Variants in KALRN observed in about 807,000 individuals in gnomAD.
KALRN encodes kalirin RhoGEF kinase.
A neutral mutation model predicts 353.7 loss-of-function variants in KALRN; 70 were observed. The observed-to-expected ratio is 0.20, with a 90% CI of 0.16 to 0.24. The LOEUF is 0.24. Ranked by LOEUF, KALRN falls within the 10% of genes least tolerant of loss-of-function variation. KALRN has a pLI of 1.00. For missense variants in KALRN, 2,791 were observed against 3,756.7 expected (o/e 0.74, Z 6.72); for synonymous variants, 1,391 against 1,434.8 (o/e 0.97, Z 0.69).
intron 34 of KALRN, among the ~76,000 whole-genome samples, chr3:124,608,537 T>C (rs928031421): frequency 6.6e-6 from 1 of 152,118 alleles, no homozygotes; most frequent in African/African-American, 2.4e-5. Context: ...GTCTCCCTTC[T>C]TCCCCTCCCT....
rs2083922548 is a variant in KALRN at position 124,655,592 on chromosome 3, C to T, written c.5796-9C>T. The T allele has an allele frequency of 1.2e-6, 2 of 1,611,554 alleles. No individual in the cohort carries two copies. The highest frequency in any genetic ancestry group is 1.7e-5 in the Admixed American group (1 of 59,998). On this transcript the variant is annotated splice_polypyrimidine_tract_variant and intron_variant, in intron 38 of 59. Coordinates refer to ENST00000682506, the MANE Select transcript of KALRN (RefSeq NM_001388419.1). ...GAGGAACACTCACTGTTCTTAATCT[C>T]CTGCTCAGGTTTGTCCTGAATGAGC... is the stretch of plus-strand genomic sequence containing the variant.
chr3:124,043,177 G>A (rs2040124558), intron 1 of KALRN, among the ~76,000 whole-genome samples: 1 of 152,162 alleles, frequency 6.6e-6, no homozygotes, highest in Admixed American at 6.5e-5. Context: ...ATTGTGTATG[G>A]GAGGTGGAAT....
intron 1 of KALRN, among the ~76,000 whole-genome samples, chr3:124,149,781 G>A (rs150625231): frequency 1.1e-4 from 17 of 152,320 alleles, no homozygotes; most frequent in African/African-American, 4.1e-4. Context: ...TTATACAAAT[G>A]TAAGAGAACC....
intron 34 of KALRN, among the ~76,000 whole-genome samples, chr3:124,583,256 T>C (rs2074800911): frequency 6.6e-6 from 1 of 152,150 alleles, no homozygotes; most frequent in African/African-American, 2.4e-5. Context: ...ACTTCCCTTT[T>C]TTCTGATGAA....
intron 34 of KALRN, chr3:124,585,057 T>G: frequency 1.0e-6 from 1 of 997,252 alleles, no homozygotes; most frequent in Middle Eastern, 3.0e-4. Context: ...TGAGAGAGTT[T>G]GCTGCGATCC....
At chr3:124,153,815 T>C (rs1160583610) in intron 1 of KALRN, among the ~76,000 whole-genome samples, 1 of 152,084 alleles carries the variant, frequency 6.6e-6, no homozygotes, top group Non-Finnish European at 1.5e-5. Flanking sequence ...CCATTCTAAC[T>C]GGTGTGAGAT....
chr3:124,562,960 C>T lies in KALRN; in HGVS notation c.5053C>T (p.Pro1685Ser), dbSNP rs758651833. 1.5e-6 allele frequency: 2 copies of T among 1,367,928 alleles called. No individual in the cohort carries two copies. Among genetic ancestry groups the T allele is most frequent in the South Asian group, 1.1e-5 (1 of 88,048 alleles). The allele number at this position is 1,367,928 out of a possible 1,614,324, so 84.7% of individuals were successfully genotyped here. ...VELLERPSER[P>S]GWCLVRTTER... is the part of the protein sequence containing the mutation. ...GCTGCTGGAGCGGCCCAGCGAGCGG[C>T]CTGGTTGGTGTCTGGTCCGTACCAC... Residue 1685 changes from proline (P) to serine (S), a missense_variant, in exon 34 of 60, where the codon CCT becomes TCT. Coordinates refer to ENST00000682506, the MANE Select transcript of KALRN (RefSeq NM_001388419.1).
intron 14 of KALRN, among the ~76,000 whole-genome samples, chr3:124,418,471 A>C (rs1435384723): frequency 1.3e-5 from 2 of 152,218 alleles, no homozygotes; most frequent in Non-Finnish European, 2.9e-5. Context: ...TGTTAGGTAG[A>C]GGGAGTGACA....
At chr3:124,237,458 G>A (rs2079924264) in intron 3 of KALRN, among the ~76,000 whole-genome samples, 1 of 151,340 alleles carries the variant, frequency 6.6e-6, no homozygotes, top group African/African-American at 2.4e-5. Flanking sequence ...TGCTTCCCAG[G>A]TTCAAGTGAT....
Position 124,413,591 on chromosome 3 carries a change from T to C in KALRN, c.2468T>C (p.Met823Thr). The change falls in exon 14 of 60, where the codon ATG (methionine) becomes ACG (threonine). Residue 823 changes from methionine (M) to threonine (T), a missense_variant. Met to Thr is a moderately conservative substitution (Grantham distance 81). Around this residue, in one of 11 missense-constraint regions of KALRN, gnomAD observed 452 missense variants for 575.8 expected, o/e 0.78. Coordinates refer to ENST00000682506, the MANE Select transcript of KALRN (RefSeq NM_001388419.1). ...LQRHTERKLA[M>T]NNMTFEVIQQ... The stretch of plus-strand genomic sequence containing the variant: ...CGCCACACAGAACGGAAGCTAGCCA[T>C]GAACAACATGACCTTTGAGGTTATC... The C allele has an allele frequency of 6.2e-7, 1 of 1,614,124 alleles. No homozygotes were observed. The highest frequency in any genetic ancestry group is 8.5e-7 in the Non-Finnish European group (1 of 1,180,030).
At chr3:124,447,939 A>T (rs750699638) in intron 21 of KALRN, among the ~76,000 whole-genome samples, 7 of 152,220 alleles carry the variant, frequency 4.6e-5, no homozygotes, top group Non-Finnish European at 8.8e-5. Flanking sequence ...CAGCACAAAG[A>T]AGGTGGCAGA....
At chr3:124,241,397 GACTCTGAGA>G (rs1231037520) in intron 3 of KALRN, among the ~76,000 whole-genome samples, 1 of 152,130 alleles carries the variant, frequency 6.6e-6, no homozygotes, top group African/African-American at 2.4e-5. Flanking sequence ...CTAAGGTTTT[GACTCTGAGA>G]ACTCCAAACC....
chr3:124,264,920 G>A (rs1033355253), intron 4 of KALRN, among the ~76,000 whole-genome samples: 2 of 152,170 alleles, frequency 1.3e-5, no homozygotes, highest in Non-Finnish European at 2.9e-5. Flanking sequence ...TTTACTGTTG[G>A]TGGTTGTGTT....
intron 1 of KALRN, among the ~76,000 whole-genome samples, chr3:124,159,191 C>T (rs1412367278): frequency 6.6e-6 from 1 of 152,224 alleles, no homozygotes; most frequent in African/African-American, 2.4e-5. Context: ...TGCTCAAATT[C>T]AGTTCCTCCT....
chr3:124,374,301 G>A (rs187123781), intron 10 of KALRN: 2 of 152,352 alleles, frequency 1.3e-5, no homozygotes, highest in East Asian at 1.9e-4. Context: ...CCATTGTAAA[G>A]CATTTGTTAT....
chr3:124,525,425 T>C (rs193196048), intron 33 of KALRN, among the ~76,000 whole-genome samples: 353 of 152,246 alleles, frequency 2.3e-3, no homozygotes, highest in African/African-American at 8.2e-3. Flanking sequence ...TGAGTTCTGC[T>C]GGGTGGTTGT....
chr3:124,053,738 T>A (rs758238034), intron 1 of KALRN, among the ~76,000 whole-genome samples: 17 of 152,268 alleles, frequency 1.1e-4, no homozygotes, highest in Non-Finnish European at 2.4e-4. Flanking sequence ...ATGCACATGA[T>A]GTTGCTCATG....
intron 3 of KALRN, among the ~76,000 whole-genome samples, chr3:124,235,809 G>C (rs1465224115): frequency 6.6e-6 from 1 of 152,208 alleles, no homozygotes; most frequent in Non-Finnish European, 1.5e-5. Flanking sequence ...GGTTCTTTGG[G>C]CTTTCAAAAC....
chr3:124,645,660 G>C (rs1424002999), intron 37 of KALRN, among the ~76,000 whole-genome samples: 1 of 128,796 alleles, frequency 7.8e-6, no homozygotes, highest in African/African-American at 2.7e-5. Context: ...CTCTCTCTCT[G>C]TGCGTGTGTG....
Sources: allele counts gnomAD v4.1 joint callset (sites outside exome capture counted in the v4.1 genomes callset), GRCh38; gene constraint gnomAD v4.1.1; regional missense constraint gnomAD v4.1.1; transcripts MANE v1.5; gene names NCBI Gene and HGNC (gene_info 2026-07-23, HGNC 2026-07-21).